RBFOX1: variants seen among roughly 807,000 people sequenced by gnomAD.
The protein encoded by RBFOX1 is RNA binding fox-1 homolog 1.
A neutral mutation model predicts 57.7 loss-of-function variants in RBFOX1; 8 were observed. The observed-to-expected ratio is 0.14, with a 90% CI of 0.08 to 0.25. RBFOX1 has a LOEUF of 0.25. RBFOX1 is among the 10% of genes least tolerant of loss of function. The probability of loss-of-function intolerance (pLI) is 1.00; values close to 1 mark genes in which losing one functional copy is unlikely to be tolerated. For missense variants in RBFOX1, 611 were observed against 548.5 expected, an observed-to-expected ratio of 1.11 and a Z score of -1.14; for synonymous variants, 326 against 222.4, an observed-to-expected ratio of 1.47 and a Z score of -4.15.
chr16:7,596,255 A>G (rs988746355), intron 8 of RBFOX1, among the ~76,000 whole-genome samples: 2 of 151,316 alleles, frequency 1.3e-5, no homozygotes, highest in African/African-American at 2.4e-5. Flanking sequence ...TTCCTGTTCA[A>G]TATCTGGCCC....
chr16:5,815,240 T>C (rs940335516), intron 3 of RBFOX1, among the ~76,000 whole-genome samples: 4 of 146,032 alleles, frequency 2.7e-5, no homozygotes, highest in Admixed American at 7.2e-5. Flanking sequence ...GTAATCCTCC[T>C]GTCTCAGCCT....
rs768610438 is a variant in RBFOX1 at position 6,948,490 on chromosome 16, C to G, written c.-15-103567C>G. Among the ~76,000 whole-genome samples the G allele has an allele frequency of 7.2e-5, 10 of 138,050 alleles. No homozygotes were observed. The Middle Eastern group carries it at 0.021, about 295-fold the overall frequency. The allele number at this position is 138,050 out of a possible 152,430, so 90.6% of individuals were successfully genotyped here. On this transcript the variant is annotated intron_variant, in intron 3 of 15. Transcript: ENST00000550418. The stretch of plus-strand genomic sequence containing the variant: ...CTTTGCCTCCTTGGTTCAAGCGATT[C>G]TCCTGCCTCAGCCTCCCAAGTAGCT...
At chr16:5,304,541 C>T (rs1422426388) in intron 1 of RBFOX1, among the ~76,000 whole-genome samples, 1 of 152,150 alleles carries the variant, frequency 6.6e-6, no homozygotes, top group African/African-American at 2.4e-5. Flanking sequence ...GCCAACTTTG[C>T]TTCATTCATG....
chr16:5,570,074 G>T (rs2046226430), intron 2 of RBFOX1, among the ~76,000 whole-genome samples: 1 of 152,170 alleles, frequency 6.6e-6, no homozygotes, highest in Non-Finnish European at 1.5e-5. Flanking sequence ...TTATAAACAT[G>T]GAAATACACA....
At chr16:6,724,072 C>T (rs745599921) in intron 3 of RBFOX1, among the ~76,000 whole-genome samples, 9 of 152,006 alleles carry the variant, frequency 5.9e-5, no homozygotes, top group East Asian at 3.9e-4. Context: ...ATTTATACCC[C>T]GGGTGATAGT....
At chr16:6,390,890 G>GA (rs1233352524) in intron 2 of RBFOX1, among the ~76,000 whole-genome samples, 7 of 152,106 alleles carry the variant, frequency 4.6e-5, no homozygotes, top group African/African-American at 1.7e-4. Context: ...AGGCAGCATG[G>GA]AATGAAGTGG....
At chr16:5,888,911 G>C (rs1302277262) in intron 4 of RBFOX1, among the ~76,000 whole-genome samples, 1 of 151,852 alleles carries the variant, frequency 6.6e-6, no homozygotes, top group Admixed American at 6.6e-5. Context: ...GACTAGTTCA[G>C]CTTCATAAAC....
At chr16:6,142,238 T>G (rs1251318752) in intron 1 of RBFOX1, among the ~76,000 whole-genome samples, 8 of 147,780 alleles carry the variant, frequency 5.4e-5, no homozygotes, top group African/African-American at 1.8e-4. Flanking sequence ...TTTTTTTTTT[T>G]GGAGACGGAG....
At chr16:7,000,824 G>C (rs914552615) in intron 3 of RBFOX1, among the ~76,000 whole-genome samples, 4 of 151,778 alleles carry the variant, frequency 2.6e-5, no homozygotes, top group South Asian at 2.1e-4. Context: ...GGATGCTCTC[G>C]ATCTCCTGAC....
intron 4 of RBFOX1, among the ~76,000 whole-genome samples, chr16:7,299,779 C>T (rs534773949): frequency 1.3e-5 from 2 of 152,192 alleles, no homozygotes; most frequent in South Asian, 2.1e-4. Flanking sequence ...ACCCCTATCC[C>T]TAGTAGATTG....
intron 3 of RBFOX1, among the ~76,000 whole-genome samples, chr16:6,881,499 G>GC (rs1395826924): frequency 6.6e-6 from 1 of 152,118 alleles, no homozygotes; most frequent in African/African-American, 2.4e-5. Context: ...TACATAGAGA[G>GC]CCTGTGTATC....
Position 5,947,020 on chromosome 16 carries a change from C to G in RBFOX1, c.351+79685C>G, listed in dbSNP as rs925515977. Among the ~76,000 whole-genome samples, 2 of 152,072 alleles carry G rather than the reference C, an allele frequency of 1.3e-5. No individual in the cohort carries two copies. Among genetic ancestry groups the G allele is most frequent in the African/African-American group, 4.8e-5 (2 of 41,386 alleles). ...TGAGGCCAGGAGTTTGAGACCAGCT[C>G]TAGCAATATAGTGACACCCCATCTG... On this transcript the variant is annotated intron_variant, in intron 4 of 19. Transcript: ENST00000641259. The surrounding 1 kb of genome is among the most constrained non-coding windows in gnomAD (Gnocchi z 7.2).
chr16:5,682,946 C>T (rs1228235934), intron 3 of RBFOX1, among the ~76,000 whole-genome samples: 1 of 152,202 alleles, frequency 6.6e-6, no homozygotes, highest in Non-Finnish European at 1.5e-5. Context: ...AGTCCTGGCT[C>T]TGCCTCTTGC....
intron 2 of RBFOX1, among the ~76,000 whole-genome samples, chr16:6,386,126 G>A (rs1351836488): frequency 6.6e-6 from 1 of 152,002 alleles, no homozygotes; most frequent in Non-Finnish European, 1.5e-5. Flanking sequence ...TAGTAGAGAC[G>A]GGGTTTCACC....
chr16:7,500,766 A>T (rs915659441), intron 4 of RBFOX1, among the ~76,000 whole-genome samples: 1 of 152,132 alleles, frequency 6.6e-6, no homozygotes, highest in African/African-American at 2.4e-5. Context: ...AACCTTTACA[A>T]CCTATCCCAT....
intron 3 of RBFOX1, among the ~76,000 whole-genome samples, chr16:6,756,761 C>T (rs1319934162): frequency 3.3e-5 from 5 of 152,070 alleles, no homozygotes; most frequent in Admixed American, 1.3e-4. Flanking sequence ...CATGTGAGGT[C>T]AGGAGTTCGA....
At chr16:7,221,800 G>C (rs1403632625) in intron 4 of RBFOX1, among the ~76,000 whole-genome samples, 1 of 152,144 alleles carries the variant, frequency 6.6e-6, no homozygotes, top group Admixed American at 6.5e-5. Context: ...TTTTACAAGC[G>C]AGATCTAAGA....
At chr16:6,895,938 A>G (rs989222013) in intron 3 of RBFOX1, among the ~76,000 whole-genome samples, 2 of 151,808 alleles carry the variant, frequency 1.3e-5, no homozygotes, top group Non-Finnish European at 2.9e-5. Context: ...CATAGTAGGT[A>G]TATATATATA....
In RBFOX1 at chr16:7,000,298, G is replaced by A. The variant is rs561046546; in HGVS notation, c.-15-51759G>A. 7.9e-5 allele frequency among the ~76,000 whole-genome samples: 12 copies of A among 152,152 alleles called. No individual in the cohort carries two copies. In the East Asian group the frequency reaches 2.1e-3, roughly 27 times the overall value. On this transcript the variant is annotated intron_variant, in intron 3 of 15. Transcript: ENST00000550418. ...ACACATTTTTAAAGTTTTATTATCA[G>A]AAATTTAAACATGATCGATATGTCT...
Sources: allele counts gnomAD v4.1 joint callset (sites outside exome capture counted in the v4.1 genomes callset), GRCh38; gene constraint gnomAD v4.1.1; non-coding constraint Gnocchi (gnomAD v3.1); transcripts MANE v1.5; gene names NCBI Gene and HGNC (gene_info 2026-07-23, HGNC 2026-07-21).